The following TRPM5 variants were observed in gnomAD, a reference collection of about 807,000 sequenced individuals.
TRPM5 encodes MLSN1 and TRP-related.
TRPM5 carries 121 observed loss-of-function variants against 124.9 expected under a neutral mutation model. The observed-to-expected ratio is 0.97, with a 90% confidence interval of 0.84 to 1.13. The LOEUF is 1.13. TRPM5 is among the 50% of genes most tolerant of loss of function. The pLI is 0.00. For missense variants in TRPM5, 1,643 were observed against 1,589.1 expected (o/e 1.03, Z -0.58); for synonymous variants, 781 against 700.5 (o/e 1.11, Z -1.81).
At chr11:2,425,629 A>G (rs74050561), upstream of TRPM5, among the ~76,000 whole-genome samples, 458 of 150,752 alleles carry the variant, frequency 3.0e-3, no homozygotes, top group African/African-American at 9.7e-3. Flanking sequence ...CCTGGGCGGG[A>G]GTCCTCACCC....
upstream of TRPM5, among the ~76,000 whole-genome samples, chr11:2,425,024 C>T (rs1259602133): frequency 2.0e-5 from 3 of 152,196 alleles, no homozygotes; most frequent in Non-Finnish European, 4.4e-5. Context: ...GGAACCAGCC[C>T]GCGGACCGCA....
the TRPM5 span, among the ~76,000 whole-genome samples, chr11:2,434,720 CT>C: frequency 6.6e-6 from 1 of 151,270 alleles, no homozygotes; most frequent in South Asian, 2.1e-4. Context: ...TGTGTGGACA[CT>C]GTGTGTGTGT....
At position 2,418,715 on chromosome 11, in the gene TRPM5, C is replaced by T. The variant is rs567960926; in HGVS notation, c.650-124G>A. 46 of 966,582 alleles carry T rather than the reference C, an allele frequency of 4.8e-5. No homozygotes were observed. In the African/African-American group the frequency reaches 6.7e-4, roughly 14 times the overall value. 59.9% of individuals were successfully genotyped at this position (966,582 alleles called of 1,614,324 possible). On this transcript the variant is annotated intron_variant, in intron 4 of 23. Transcript: ENST00000155858. ...GCTCTTCCGAATAAAGTGTGGGCTTCGTCTGGGCCACGTGACACAGGCTGC... is the reference window on the plus strand; with the variant it reads ...GCTCTTCCGAATAAAGTGTGGGCTTTGTCTGGGCCACGTGACACAGGCTGC...
chr11:2,404,092 C>T (rs1053932719), downstream of TRPM5, among the ~76,000 whole-genome samples: 6 of 152,176 alleles, frequency 3.9e-5, no homozygotes, highest in Non-Finnish European at 5.9e-5. Flanking sequence ...CTCAATGGGC[C>T]TGAGTGGGTA....
chr11:2,440,616 C>A, the TRPM5 span, among the ~76,000 whole-genome samples: 2 of 152,164 alleles, frequency 1.3e-5, no homozygotes, highest in Admixed American at 1.3e-4. The surrounding 1 kb of genome is among the most constrained non-coding windows in gnomAD (Gnocchi z 5.2). Context: ...TGACCACCCT[C>A]CACAATCTGC....
chr11:2,415,052 A>G lies in TRPM5; in HGVS notation c.1480-5T>C. On this transcript the variant is annotated splice_region_variant and splice_polypyrimidine_tract_variant and intron_variant, in intron 9 of 23. Transcript: ENST00000155858. ...CCGCTTGGCCGGGCCCTTCTCCTGG[A>G]GGACACGGGCGTCGGCCTCCTGCTG... The G allele has an allele frequency of 6.3e-7, 1 of 1,599,018 alleles. No individual in the cohort carries two copies. The highest frequency in any genetic ancestry group is 8.5e-7 in the Non-Finnish European group (1 of 1,178,316).
Position 2,414,793 on chromosome 11 carries a change from T to G in TRPM5, c.1666A>C (p.Lys556Gln), listed in dbSNP as rs746101169. ...TCCGTCTCCAGGTGCGACATCTCTTTGAGGATTTTGCAGGCGGCCAGTGCG... is the reference window on the plus strand; with the variant it reads ...TCCGTCTCCAGGTGCGACATCTCTTGGAGGATTTTGCAGGCGGCCAGTGCG... Residue 556 changes from lysine to glutamine, a missense_variant, in exon 11 of 24, where the codon AAA (lysine) becomes CAA (glutamine). Transcript: ENST00000155858. The G allele has an allele frequency of 1.2e-4, 188 of 1,577,742 alleles. No individual in the cohort carries two copies. The highest frequency in any genetic ancestry group is 1.5e-4 in the Non-Finnish European group (180 of 1,163,246).
chr11:2,435,455 T>G, the TRPM5 span, among the ~76,000 whole-genome samples: 34 of 152,050 alleles, frequency 2.2e-4, no homozygotes, highest in South Asian at 6.7e-3. The surrounding 1 kb of genome is among the most constrained non-coding windows in gnomAD (Gnocchi z 4.1). Context: ...TCCACCAGCC[T>G]GCCCACCTGT....
At chr11:2,444,476 A>G in the TRPM5 span, among the ~76,000 whole-genome samples, 4 of 149,474 alleles carry the variant, frequency 2.7e-5, no homozygotes, top group South Asian at 8.6e-4. Context: ...GGCCAGGCAG[A>G]GCAGGCGGGC....
the TRPM5 span, among the ~76,000 whole-genome samples, chr11:2,428,075 G>T: frequency 6.6e-6 from 1 of 152,196 alleles, no homozygotes; most frequent in African/African-American, 2.4e-5. This position sits in a 1 kb window ranked among gnomAD's most constrained non-coding sequence, Gnocchi z 4.0. Flanking sequence ...GTGGGACAGA[G>T]TGTGCCTCTG....
chr11:2,425,770 A>G (rs1052329607), upstream of TRPM5, among the ~76,000 whole-genome samples: 1 of 152,110 alleles, frequency 6.6e-6, no homozygotes, highest in Non-Finnish European at 1.5e-5. Context: ...GCGTGTCCCC[A>G]GCACAGGGTG....
At position 2,415,037 on chromosome 11, in the gene TRPM5, G is replaced by A. The variant is rs781100696; in HGVS notation, c.1490C>T (p.Pro497Leu). 12 of 1,601,542 alleles carry A rather than the reference G, an allele frequency of 7.5e-6. No homozygotes were observed. The East Asian group carries it at 1.1e-4, about 15-fold the overall frequency. Reference sequence around the variant, plus strand: ...CTTCTGGCCCGTGGGCCGCTTGGCCGGGCCCTTCTCCTGGAGGACACGGGC... The same window carrying A: ...CTTCTGGCCCGTGGGCCGCTTGGCCAGGCCCTTCTCCTGGAGGACACGGGC... The change falls in exon 10 of 24, where the codon CCG becomes CTG. Residue 497 changes from proline (P) to leucine (L), a missense_variant. By Grantham distance (98) the Pro-to-Leu change is moderately conservative. Transcript: ENST00000155858.
rs371657912 is a variant in TRPM5 at position 2,405,470 on chromosome 11, C to T, written c.3391+57G>A. The T allele has an allele frequency of 2.0e-4, 307 of 1,513,890 alleles. No individual in the cohort carries two copies. The African/African-American group carries it at 2.7e-3, about 14-fold the overall frequency. 93.8% of individuals were successfully genotyped at this position (1,513,890 alleles called of 1,614,324 possible). A position where few individuals can be genotyped will look rare whatever the true frequency, so the allele number is the denominator to read the frequency against. On this transcript the variant is annotated intron_variant, in intron 23 of 23. Coordinates refer to ENST00000155858, the Ensembl canonical transcript of TRPM5. ...ACAGCACAGCCTACGGCCCCCCAGC[C>T]GCTGCAGAGTGGGTGCCCATGCCCA...
exon 17 of TRPM5, chr11:2,411,724 T>C (rs371651211): frequency 3.7e-6 from 6 of 1,612,480 alleles, no homozygotes; most frequent in Admixed American, 1.7e-5. Flanking sequence ...ATGAAGTCCA[T>C]GGCGAGGACT....
At chr11:2,432,635 C>A in the TRPM5 span, among the ~76,000 whole-genome samples, 2 of 152,258 alleles carry the variant, frequency 1.3e-5, no homozygotes, top group Non-Finnish European at 2.9e-5. Flanking sequence ...TCCCCCCAGG[C>A]ACATCCTTGG....
In TRPM5 at chr11:2,418,429, T is replaced by G. The variant is rs373214123; in HGVS notation, c.715-71A>C. 5.1e-5 allele frequency: 76 copies of G among 1,496,426 alleles called. No homozygotes were observed. In the African/African-American group the frequency reaches 9.0e-4, roughly 18 times the overall value. The allele number at this position is 1,496,426 out of a possible 1,614,324, so 92.7% of individuals were successfully genotyped here. On this transcript the variant is annotated intron_variant, in intron 5 of 23. Transcript: ENST00000155858. Reference sequence around the variant, plus strand: ...GACATCTGGATGCAGGTGTCAGGGGTGCCCCCATCCCTTCAGCCCTGTCCC... The same window carrying G: ...GACATCTGGATGCAGGTGTCAGGGGGGCCCCCATCCCTTCAGCCCTGTCCC...
At chr11:2,424,246 C>G (rs144910153), upstream of TRPM5, among the ~76,000 whole-genome samples, 429 of 152,340 alleles carry the variant, frequency 2.8e-3, 1 homozygote, top group South Asian at 0.02. Flanking sequence ...TAGAGAGGGG[C>G]CCACCTGTGA....
At chr11:2,408,949 C>T (rs1046890625) in intron 18 of TRPM5, among the ~76,000 whole-genome samples, 8 of 152,258 alleles carry the variant, frequency 5.3e-5, no homozygotes, top group Non-Finnish European at 4.4e-5. Context: ...CACACTGGCA[C>T]ACACGGGCAC....
chr11:2,407,837 C>CAGTT lies in TRPM5; in HGVS notation c.2854_2857dup (p.Trp953Ter). ...GGTGACCAGCAGGAGGATGACCAGC[C>CAGTT]AGTTGGCATAGAGGCTGGGGCAGGA... On this transcript the variant is annotated stop_gained and frameshift_variant, in exon 19 of 24. Coordinates refer to ENST00000155858, the Ensembl canonical transcript of TRPM5. LOFTEE classifies it high-confidence loss of function. 6.2e-7 allele frequency: 1 copy of CAGTT among 1,614,030 alleles called. No individual in the cohort carries two copies. Among genetic ancestry groups the CAGTT allele is most frequent in the Non-Finnish European group, 8.5e-7 (1 of 1,180,018 alleles).
Sources: allele counts gnomAD v4.1 joint callset (sites outside exome capture counted in the v4.1 genomes callset), GRCh38; gene constraint gnomAD v4.1.1; non-coding constraint Gnocchi (gnomAD v3.1); transcripts MANE v1.5; gene names NCBI Gene and HGNC (gene_info 2026-07-23, HGNC 2026-07-21).